Variants in RAP1GDS1 observed in about 807,000 individuals in gnomAD.
The protein encoded by RAP1GDS1 is RAP1, GTP-GDP dissociation stimulator 1.
In RAP1GDS1, 35 loss-of-function variants were observed where a neutral mutation model predicts 71.1. The ratio of observed to expected loss-of-function variants is 0.49; its 90% confidence interval spans 0.38 to 0.65. The LOEUF is 0.65. RAP1GDS1 is among the 30% of genes least tolerant of loss of function. The pLI is 0.00. For missense variants in RAP1GDS1, 663 were observed against 706.1 expected, an observed-to-expected ratio of 0.94 and a Z score of 0.69; for synonymous variants, 229 against 243.1, an observed-to-expected ratio of 0.94 and a Z score of 0.54.
chr4:98,298,895 A>G (rs1728171515), intron 2 of RAP1GDS1, among the ~76,000 whole-genome samples: 1 of 152,142 alleles, frequency 6.6e-6, no homozygotes, highest in Admixed American at 6.6e-5. Flanking sequence ...TTCATGGGAG[A>G]AGGTCAAAAT....
Position 98,404,566 on chromosome 4 carries a change from A to C in RAP1GDS1, c.727A>C (p.Met243Leu). ...ACAAATAGAACATGATAAGAGAGAA[A>C]TGATTTTTGAAGTTCTTGCTCCATT... Reference protein sequence around the residue: ...KKQIEHDKREMIFEVLAPLAE... With the variant: ...KKQIEHDKRELIFEVLAPLAE... Residue 243 changes from methionine to leucine, a missense_variant, in exon 7 of 15, where the codon ATG becomes CTG. Coordinates refer to ENST00000408927, the MANE Select transcript of RAP1GDS1 (RefSeq NM_001100427.2). 6.2e-7 allele frequency: 1 copy of C among 1,602,984 alleles called. No homozygotes were observed. Among genetic ancestry groups the C allele is most frequent in the South Asian group, 1.1e-5 (1 of 88,066 alleles).
chr4:98,323,795 G>C (rs1387344587), intron 2 of RAP1GDS1, among the ~76,000 whole-genome samples: 11 of 151,438 alleles, frequency 7.3e-5, no homozygotes, highest in Non-Finnish European at 1.5e-4. Context: ...AGCTATCTAT[G>C]ACAAACCCAC....
At chr4:98,311,784 A>G (rs1274028660) in intron 2 of RAP1GDS1, among the ~76,000 whole-genome samples, 1 of 152,114 alleles carries the variant, frequency 6.6e-6, no homozygotes, top group African/African-American at 2.4e-5. Flanking sequence ...TTGCAGGCAT[A>G]CTTCACCATG....
Position 98,278,124 on chromosome 4 carries a change from G to A in RAP1GDS1, c.5-15284G>A, listed in dbSNP as rs371316615. On this transcript the variant is annotated intron_variant, in intron 1 of 14. Coordinates refer to ENST00000408927, the MANE Select transcript of RAP1GDS1 (RefSeq NM_001100427.2). Reference sequence around the variant, plus strand: ...TGAGGCATGAGAATCACGTGAACCCGGGAGGTGGAGATTGTAGTGAGCCAA... The same window carrying A: ...TGAGGCATGAGAATCACGTGAACCCAGGAGGTGGAGATTGTAGTGAGCCAA... Among the ~76,000 whole-genome samples the A allele has an allele frequency of 4.1e-4, 62 of 152,210 alleles. No homozygotes were observed. The South Asian group carries it at 0.011, about 27-fold the overall frequency.
chr4:98,441,924 G>A (rs1751923922), intron 14 of RAP1GDS1, 66 bp from the exon 15 acceptor site: 1 of 1,524,266 alleles, frequency 6.6e-7, no homozygotes, highest in Admixed American at 1.8e-5. Context: ...AAACATTTTG[G>A]TATATGTTTT....
chr4:98,420,082 C>T lies in RAP1GDS1; in HGVS notation c.1238C>T (p.Ser413Phe). 6.2e-7 allele frequency: 1 copy of T among 1,607,272 alleles called. No homozygotes were observed. Among genetic ancestry groups the T allele is most frequent in the Non-Finnish European group, 8.5e-7 (1 of 1,176,210 alleles). The change falls in exon 11 of 15, where the codon TCT (serine) becomes TTT (phenylalanine). Residue 413 changes from serine to phenylalanine, a missense_variant. By Grantham distance (155) the Ser-to-Phe change is radical. Transcript: ENST00000408927. Reference protein sequence around the residue: ...VTEAVLKFLKSEMPPVQFKLL... With the variant: ...VTEAVLKFLKFEMPPVQFKLL... ...GAGGCAGTTTTGAAATTTCTTAAAT[C>T]TGAAATGCCTCCTGTTCAGTTCAAA...
chr4:98,267,149 T>C (rs894601848), intron 1 of RAP1GDS1, among the ~76,000 whole-genome samples: 1 of 152,152 alleles, frequency 6.6e-6, no homozygotes, highest in African/African-American at 2.4e-5. Flanking sequence ...GATTTTTCTA[T>C]TTATGTTTAT....
chr4:98,432,988 C>T (rs1333924120), intron 12 of RAP1GDS1, among the ~76,000 whole-genome samples: 1 of 152,002 alleles, frequency 6.6e-6, no homozygotes, highest in Non-Finnish European at 1.5e-5. Context: ...TATATACTTA[C>T]ATCATTCCAG....
At chr4:98,433,829 T>G (rs1175934372) in intron 12 of RAP1GDS1, 107 bp from the exon 13 acceptor site, 1 of 1,048,502 alleles carries the variant, frequency 9.5e-7, no homozygotes, top group Non-Finnish European at 1.4e-6. Flanking sequence ...AAATGATTCA[T>G]ACAGGACACT....
At chr4:98,289,624 T>C (rs1257177744) in intron 1 of RAP1GDS1, among the ~76,000 whole-genome samples, 3 of 150,526 alleles carry the variant, frequency 2.0e-5, no homozygotes, top group Non-Finnish European at 4.4e-5. Context: ...ACTGAAAATA[T>C]TATAATTTTT....
At chr4:98,336,129 G>A (rs6827097) in intron 2 of RAP1GDS1, among the ~76,000 whole-genome samples, 63,891 of 151,784 alleles carry the variant, frequency 0.42, 17,251 homozygotes, top group African/African-American at 0.77. Flanking sequence ...GTTTTATTGT[G>A]TCCTCATTCT....
chr4:98,262,378 TTG>T lies in RAP1GDS1; in HGVS notation c.4+811_4+812del, dbSNP rs1722143200. On this transcript the variant is annotated intron_variant, in intron 1 of 14. Transcript: ENST00000408927. ...TCTGCATAATCTGATTTTAGTTCCT[TTG>T]TATTTATAGTTAATCTGAAGAGATT... Among the ~76,000 whole-genome samples, 3 of 152,342 alleles carry T rather than the reference TTG, an allele frequency of 2.0e-5. No individual in the cohort carries two copies. The South Asian group carries it at 6.2e-4, about 32-fold the overall frequency.
intron 12 of RAP1GDS1, among the ~76,000 whole-genome samples, chr4:98,426,739 C>CA (rs1009188932): frequency 6.6e-6 from 1 of 151,514 alleles, no homozygotes; most frequent in Non-Finnish European, 1.5e-5. Flanking sequence ...AAATTACCAA[C>CA]AAAAAAAAGT....
At chr4:98,356,178 A>G (rs1461267633) in intron 4 of RAP1GDS1, among the ~76,000 whole-genome samples, 1 of 152,142 alleles carries the variant, frequency 6.6e-6, no homozygotes, top group East Asian at 1.9e-4. Flanking sequence ...TGTGCGATTG[A>G]TGGGATACAC....
chr4:98,389,288 T>G (rs1743244021), intron 5 of RAP1GDS1, among the ~76,000 whole-genome samples: 1 of 149,210 alleles, frequency 6.7e-6, no homozygotes, highest in South Asian at 2.1e-4. Flanking sequence ...TCAACCTGTT[T>G]CTGTAAAAGT....
intron 5 of RAP1GDS1, 99 bp downstream of exon 5, chr4:98,379,262 G>T (rs1178249622): frequency 5.4e-6 from 6 of 1,116,774 alleles, no homozygotes; most frequent in Non-Finnish European, 7.2e-6. Flanking sequence ...GATGAACAAA[G>T]AATTCGTAAG....
intron 1 of RAP1GDS1, among the ~76,000 whole-genome samples, chr4:98,281,923 G>C (rs146732101): frequency 6.6e-6 from 1 of 152,014 alleles, no homozygotes; most frequent in Non-Finnish European, 1.5e-5. Context: ...ATTGATTTGC[G>C]TGTGTTGAAC....
chr4:98,337,083 T>C (rs946993895), intron 2 of RAP1GDS1, among the ~76,000 whole-genome samples: 2 of 151,978 alleles, frequency 1.3e-5, no homozygotes, highest in African/African-American at 4.8e-5. Context: ...TTAGTAGAGA[T>C]GAGGTTTCAC....
chr4:98,301,834 T>C (rs544326751), intron 2 of RAP1GDS1, among the ~76,000 whole-genome samples: 18 of 152,048 alleles, frequency 1.2e-4, no homozygotes, highest in Non-Finnish European at 1.8e-4. Context: ...TGTTCACCTT[T>C]ATATACTTGG....
Sources: gnomAD v4.1 joint callset for allele counts (sites outside exome capture counted in the v4.1 genomes callset) on GRCh38, gnomAD v4.1.1 for gene constraint, MANE v1.5 for transcripts, NCBI Gene and HGNC (gene_info 2026-07-23, HGNC 2026-07-21) for gene names.